COQ9: variants seen among roughly 807,000 people sequenced by gnomAD.
COQ9 encodes the protein ubiquinone biosynthesis protein COQ9, mitochondrial.
Under a neutral mutation model 42.4 loss-of-function variants are expected in COQ9, and 35 were observed. That is an observed-to-expected ratio of 0.83 (90% CI 0.63 to 1.10). COQ9 has a LOEUF of 1.10. COQ9 is among the 50% of genes least tolerant of loss of function. The pLI is 0.00. For synonymous variants in COQ9, 155 were observed against 155.1 expected, an observed-to-expected ratio of 1.00 and a Z score of 0.00; for missense variants, 406 against 414.6, an observed-to-expected ratio of 0.98 and a Z score of 0.18.
chr16:57,458,257 C>T lies in COQ9; in HGVS notation c.618C>T (p.Ile206=), dbSNP rs1254720124. ...YIEHWPRALS[I]LMLPHNIPSS... is the part of the protein sequence containing the mutation. ...CATTCTCTCTCCAGGCCCTCAGCAT[C>T]CTCATGCTCCCTCACAACATCCCGT... The change falls in exon 6 of 9, where the codon ATC becomes ATT. Residue 206 remains isoleucine (I), a synonymous_variant. Transcript: ENST00000262507. The T allele has an allele frequency of 1.9e-6, 3 of 1,610,492 alleles. No individual in the cohort carries two copies. Among genetic ancestry groups the T allele is most frequent in the Non-Finnish European group, 2.5e-6 (3 of 1,178,458 alleles).
At chr16:57,448,110 A>C (rs1262164495) in intron 1 of COQ9, among the ~76,000 whole-genome samples, 1 of 152,176 alleles carries the variant, frequency 6.6e-6, no homozygotes, top group Non-Finnish European at 1.5e-5. Flanking sequence ...TGGAAAACTA[A>C]TATCGCCTTC....
chr16:57,458,208 T>C (rs2042059792), intron 5 of COQ9, 38 bp from the exon 6 acceptor site: 2 of 1,448,402 alleles, frequency 1.4e-6, no homozygotes, highest in South Asian at 1.2e-5. Flanking sequence ...CACCATTACC[T>C]GTGAGCAGAG....
At chr16:57,450,982 C>G in intron 1 of COQ9, 58 bp from the exon 2 acceptor site, 1 of 1,586,928 alleles carries the variant, frequency 6.3e-7, no homozygotes, top group Non-Finnish European at 8.6e-7. Flanking sequence ...TGTTACCACT[C>G]TGGGTCTGAA....
intron 3 of COQ9, chr16:57,453,608 T>C (rs556750787): frequency 1.0e-4 from 16 of 154,200 alleles, no homozygotes; most frequent in Middle Eastern, 3.4e-3. Context: ...CCATGGACAA[T>C]GGGCAAGGTT....
chr16:57,449,785 A>G (rs1598035510), intron 1 of COQ9, among the ~76,000 whole-genome samples: 1 of 152,312 alleles, frequency 6.6e-6, no homozygotes, highest in South Asian at 2.1e-4. Flanking sequence ...ATGAATGGGG[A>G]ATGACTGAAA....
chr16:57,448,662 C>G (rs1319979765), intron 1 of COQ9, among the ~76,000 whole-genome samples: 1 of 152,074 alleles, frequency 6.6e-6, no homozygotes, highest in African/African-American at 2.4e-5. Flanking sequence ...ATCTGCCTGC[C>G]TCAGCCTCCC....
chr16:57,448,963 C>T (rs2030212652), intron 1 of COQ9, among the ~76,000 whole-genome samples: 1 of 152,104 alleles, frequency 6.6e-6, no homozygotes, highest in Non-Finnish European at 1.5e-5. Context: ...GAAAGCTGGA[C>T]ACTAAAGTGA....
intron 5 of COQ9, 82 bp from the exon 6 acceptor site, chr16:57,458,164 C>T (rs1567580409): frequency 4.9e-6 from 5 of 1,028,400 alleles, no homozygotes; most frequent in East Asian, 2.6e-5. Context: ...CCCCCTCATA[C>T]ACCTCTTGGA....
At position 57,451,220 on chromosome 16, in the gene COQ9, T is replaced by C; in HGVS notation, c.242+12T>C. On this transcript the variant is annotated intron_variant, in intron 2 of 8. Coordinates refer to ENST00000262507, the MANE Select transcript of COQ9 (RefSeq NM_020312.4). The stretch of plus-strand genomic sequence containing the variant: ...CATTCACCCCCCAGGTAGGCACCAA[T>C]CCACCTATTTCTGGCCACTTCATAT... 6.2e-7 allele frequency: 1 copy of C among 1,614,102 alleles called. No homozygotes were observed. The highest frequency in any genetic ancestry group is 8.5e-7 in the Non-Finnish European group (1 of 1,179,930).
At position 57,460,583 on chromosome 16, in the gene COQ9, T is replaced by C. The variant is rs2030512928; in HGVS notation, c.922-6T>C. 1 of 1,613,788 alleles carries C rather than the reference T, an allele frequency of 6.2e-7. No individual in the cohort carries two copies. The highest frequency in any genetic ancestry group is 1.1e-5 in the South Asian group (1 of 91,084). ...ACTATTCTCTTTATTTCCATTCCCGTGTCAGCTCAAGAACTTGACAGGTCT... is the reference window on the plus strand; with the variant it reads ...ACTATTCTCTTTATTTCCATTCCCGCGTCAGCTCAAGAACTTGACAGGTCT... On this transcript the variant is annotated splice_polypyrimidine_tract_variant and splice_region_variant and intron_variant, in intron 8 of 8. Transcript: ENST00000262507.
chr16:57,456,630 C>G lies in COQ9; in HGVS notation c.505C>G (p.Gln169Glu), dbSNP rs863223940. Residue 169 changes from glutamine (Q) to glutamate (E), a missense_variant, in exon 4 of 9, where the codon CAG becomes GAG. Physicochemically the swap from Gln to Glu is conservative, Grantham distance 29 (BLOSUM62 2). Coordinates refer to ENST00000262507, the MANE Select transcript of COQ9 (RefSeq NM_020312.4). ...GCTAGAAGAGGAGCAGAAGCTGGTACAGTTGGGCCAGGCGGAGTAAGTCCC... is the reference window on the plus strand; with the variant it reads ...GCTAGAAGAGGAGCAGAAGCTGGTAGAGTTGGGCCAGGCGGAGTAAGTCCC... ...RVLEEEQKLV[Q>E]LGQAEKRKTD... 3 of 1,613,772 alleles carry G rather than the reference C, an allele frequency of 1.9e-6. No homozygotes were observed. Among genetic ancestry groups the G allele is most frequent in the Non-Finnish European group, 2.5e-6 (3 of 1,180,004 alleles).
rs539500357 is a variant in COQ9, at chr16:57,451,557, C to G, written c.242+349C>G. 2.6e-5 allele frequency among the ~76,000 whole-genome samples: 4 copies of G among 152,166 alleles called. No homozygotes were observed. In the East Asian group the frequency reaches 5.8e-4, roughly 22 times the overall value. On this transcript the variant is annotated intron_variant, in intron 2 of 8. Coordinates refer to ENST00000262507, the MANE Select transcript of COQ9 (RefSeq NM_020312.4). Reference sequence around the variant, plus strand: ...AACACCTAAACAGTATAGAGAAGTTCACAAAAATAAAGCAGTTTTATCCAA... The same window carrying G: ...AACACCTAAACAGTATAGAGAAGTTGACAAAAATAAAGCAGTTTTATCCAA...
rs770219019 is a variant in COQ9, at chr16:57,457,013, C to A, written c.604C>A (p.Arg202=). 5 of 1,611,758 alleles carry A rather than the reference C, an allele frequency of 3.1e-6. No individual in the cohort carries two copies. In the East Asian group the frequency reaches 1.1e-4, roughly 36 times the overall value. The change falls in exon 5 of 9, where the codon CGG becomes AGG. Residue 202 remains arginine, a splice_region_variant and synonymous_variant. Transcript: ENST00000262507. ...GATCCCATACATTGAGCACTGGCCC[C>A]GGGTACCAAGTCTATATCCAGGCCC... ...MLIPYIEHWP[R]ALSILMLPHN...
In COQ9 at chr16:57,451,196, A is replaced by G. The variant is rs1451558708; in HGVS notation, c.230A>G (p.His77Arg). 6.2e-7 allele frequency: 1 copy of G among 1,613,998 alleles called. No homozygotes were observed. Among genetic ancestry groups the G allele is most frequent in the East Asian group, 2.2e-5 (1 of 44,888 alleles). The change falls in exon 2 of 9, where the codon CAT becomes CGT. Residue 77 changes from histidine (H) to arginine (R), a missense_variant. Transcript: ENST00000262507. ...GAAAAACCTGATCCAGAGTCTTCTC[A>G]TTCACCCCCCAGGTAGGCACCAATC... ...GAEKPDPESS[H>R]SPPRYTDQGG... is the part of the protein sequence containing the mutation.
intron 8 of COQ9, 95 bp downstream of exon 8, chr16:57,460,199 C>T: frequency 8.0e-7 from 1 of 1,257,180 alleles, no homozygotes. Flanking sequence ...GTAGCCCTAA[C>T]CTGGAAACAA....
In COQ9 at chr16:57,461,187, T is replaced by C. The variant is rs1442358459; in HGVS notation, c.*563T>C. ...CTGGACAGAGGTGTGATTCCAGGCC[T>C]GGTGTCACATGACACCAGCATGCAT... On this transcript the variant is annotated 3_prime_UTR_variant, in exon 9 of 9. Transcript: ENST00000262507. The C allele has an allele frequency of 4.4e-6, 2 of 455,828 alleles. No individual in the cohort carries two copies. The highest frequency in any genetic ancestry group is 8.8e-6 in the Non-Finnish European group (2 of 226,662). The allele number at this position is 455,828 out of a possible 1,614,324, so 28.2% of individuals were successfully genotyped here.
In COQ9 at chr16:57,456,700, G is replaced by A. The variant is rs760973640; in HGVS notation, c.521+54G>A. 5.7e-6 allele frequency: 9 copies of A among 1,588,626 alleles called. No individual in the cohort carries two copies. The Admixed American group carries it at 7.1e-5, about 13-fold the overall frequency. ...TGGCAGCTAAGGATCAGGGAACTTG[G>A]GCCCTACCAGCTATGCCCAGGAGGC... On this transcript the variant is annotated intron_variant, in intron 4 of 8. Coordinates refer to ENST00000262507, the MANE Select transcript of COQ9 (RefSeq NM_020312.4).
intron 1 of COQ9, 173 bp from the exon 2 acceptor site, chr16:57,450,867 C>T (rs2030268723): frequency 2.7e-6 from 2 of 728,930 alleles, no homozygotes; most frequent in South Asian, 3.1e-5. Context: ...GCTACCACTT[C>T]GTGTCCCAAA....
rs1222414839 is a variant in COQ9 at position 57,459,586 on chromosome 16, G to A, written c.733G>A (p.Ala245Thr). Residue 245 changes from alanine to threonine, a missense_variant, in exon 7 of 9, where the codon GCC (alanine) becomes ACC (threonine). By Grantham distance (58) the Ala-to-Thr change is moderately conservative. Coordinates refer to ENST00000262507, the MANE Select transcript of COQ9 (RefSeq NM_020312.4). The part of the protein sequence containing the change: ...STDFNWYTRR[A>T]MLAAIYNTTE... ...ACAGTTTAACTGGTACACCCGCCGA[G>A]CCATGCTGGCTGCCATCTACAACAC... The A allele has an allele frequency of 6.2e-7, 1 of 1,614,062 alleles. No homozygotes were observed. Among genetic ancestry groups the A allele is most frequent in the Non-Finnish European group, 8.5e-7 (1 of 1,180,044 alleles).
Sources: gnomAD v4.1 joint callset for allele counts (sites outside exome capture counted in the v4.1 genomes callset) on GRCh38, gnomAD v4.1.1 for gene constraint, MANE v1.5 for transcripts, NCBI Gene and HGNC (gene_info 2026-07-23, HGNC 2026-07-21) for gene names.